Variants in CADM2 observed in about 807,000 individuals in gnomAD.
CADM2 encodes the protein cell adhesion molecule 2, also known as immunoglobulin superfamily member 4D.
CADM2 carries 12 observed loss-of-function variants against 49.8 expected under a neutral mutation model. That is an observed-to-expected ratio of 0.24 (90% CI 0.15 to 0.39). The LOEUF (loss-of-function observed/expected upper bound fraction) is 0.39. Among genes scored for constraint, CADM2 ranks in the 10% least tolerant of loss-of-function variants. The pLI is 1.00. For missense variants in CADM2, 378 were observed against 492.3 expected (o/e 0.77, Z 2.20); for synonymous variants, 214 against 175.4 (o/e 1.22, Z -1.74).
chr3:85,091,247 G>C (rs919777938), intron 1 of CADM2, among the ~76,000 whole-genome samples: 3 of 151,826 alleles, frequency 2.0e-5, no homozygotes, highest in African/African-American at 4.8e-5. Context: ...AATATTTAAG[G>C]ACAAACATCC....
chr3:85,448,825 T>A (rs1576575528), intron 1 of CADM2, among the ~76,000 whole-genome samples: 1 of 151,664 alleles, frequency 6.6e-6, no homozygotes, highest in Non-Finnish European at 1.5e-5. Flanking sequence ...TCGAGGCTTG[T>A]GGATCACGAG....
intron 1 of CADM2, among the ~76,000 whole-genome samples, chr3:85,566,488 C>T (rs565860197): frequency 5.9e-5 from 9 of 152,234 alleles, no homozygotes; most frequent in Non-Finnish European, 1.0e-4. Flanking sequence ...AGCACTGTTT[C>T]TGCTTTTACC....
At chr3:85,519,756 C>T (rs766868825) in intron 1 of CADM2, among the ~76,000 whole-genome samples, 27 of 152,056 alleles carry the variant, frequency 1.8e-4, no homozygotes, top group African/African-American at 6.3e-4. Context: ...TTAAAGTAAA[C>T]CCGCAGCTAC....
chr3:85,723,195 T>G (rs1330652856), intron 1 of CADM2, among the ~76,000 whole-genome samples: 3 of 152,166 alleles, frequency 2.0e-5, no homozygotes, highest in Non-Finnish European at 4.4e-5. Flanking sequence ...GAACAATCTC[T>G]GAAAAAAGTA....
chr3:84,994,422 G>A (rs2033067593), intron 1 of CADM2, among the ~76,000 whole-genome samples: 1 of 152,000 alleles, frequency 6.6e-6, no homozygotes, highest in Admixed American at 6.6e-5. Context: ...AAATCATACA[G>A]ACAGCATGAT....
rs376387207 is a variant in CADM2 at position 85,874,108 on chromosome 3, A to G, written c.239-9183A>G. On this transcript the variant is annotated intron_variant, in intron 3 of 9. Transcript: ENST00000383699. ...AAGAGAACAGTTTCTTAATTGTACA[A>G]CAAGTGCCTGGATTTTCAGTTTGTG... 1.3e-4 allele frequency among the ~76,000 whole-genome samples: 20 copies of G among 152,304 alleles called. 1 individual carries two copies. Among genetic ancestry groups the G allele is most frequent in the African/African-American group, 4.6e-4 (19 of 41,580 alleles).
intron 1 of CADM2, among the ~76,000 whole-genome samples, chr3:85,583,244 A>G (rs996750489): frequency 6.6e-6 from 1 of 152,158 alleles, no homozygotes; most frequent in Admixed American, 6.6e-5. Flanking sequence ...TGTTGAATTG[A>G]TGATGGCTTC....
chr3:86,024,543 A>G (rs929485163), intron 8 of CADM2, among the ~76,000 whole-genome samples: 2 of 152,188 alleles, frequency 1.3e-5, no homozygotes, highest in Admixed American at 1.3e-4. Flanking sequence ...TGTTGTTAGT[A>G]ATTTGGAGCA....
rs1438830889 is a variant in CADM2 at position 86,073,006 on chromosome 3, A to G, written c.*6223A>G. ...GACGCAGTTAAGTCATCACCCAAGG[A>G]TTTATGAATTTGAGATTACTGACCT... On this transcript the variant is annotated 3_prime_UTR_variant, in exon 10 of 10. Transcript: ENST00000383699. 2 of 152,070 alleles carry G rather than the reference A, an allele frequency of 1.3e-5. No homozygotes were observed. Among genetic ancestry groups the G allele is most frequent in the Non-Finnish European group, 2.9e-5 (2 of 67,968 alleles). 9.4% of individuals were successfully genotyped at this position (152,070 alleles called of 1,614,324 possible). A position where few individuals can be genotyped will look rare whatever the true frequency, so the allele number is the denominator to read the frequency against.
chr3:85,903,731 G>A (rs1160656523), intron 5 of CADM2, among the ~76,000 whole-genome samples: 3 of 152,092 alleles, frequency 2.0e-5, no homozygotes, highest in African/African-American at 4.8e-5. Flanking sequence ...CTCACTGAAT[G>A]TCTTTCTTTC....
Position 85,215,235 on chromosome 3 carries a change from A to G in CADM2, c.61+255567A>G, listed in dbSNP as rs569885352. Among the ~76,000 whole-genome samples, 6 of 151,946 alleles carry G rather than the reference A, an allele frequency of 3.9e-5. No homozygotes were observed. The South Asian group carries it at 1.0e-3, about 26-fold the overall frequency. On this transcript the variant is annotated intron_variant, in intron 1 of 9. Transcript: ENST00000383699. The stretch of plus-strand genomic sequence containing the variant: ...GGCAGTGGGCTCTCTTATGGCCCAC[A>G]GCATGTCTAGAAATGCCCTCTGGGA...
In CADM2 at chr3:85,568,612, C is replaced by CTTTTTTTTTTTT. The variant is rs1234630468; in HGVS notation, c.62-157906_62-157895dup. 1.8e-5 allele frequency among the ~76,000 whole-genome samples: 2 copies of CTTTTTTTTTTTT among 111,066 alleles called. 1 individual carries two copies. Among genetic ancestry groups the CTTTTTTTTTTTT allele is most frequent in the Non-Finnish European group, 3.5e-5 (2 of 56,720 alleles). The allele number at this position is 111,066 out of a possible 152,430, so 72.9% of individuals were successfully genotyped here. A position where few individuals can be genotyped will look rare whatever the true frequency, so the allele number is the denominator to read the frequency against. ...TTTCCTTCTTTTCTTTCCTCTCTTT[C>CTTTTTTTTTTTT]TTTTTTTTTTTTTTTACAGTCTGTC... On this transcript the variant is annotated intron_variant, in intron 1 of 9. Transcript: ENST00000383699.
chr3:85,118,673 A>G (rs1410927952), intron 1 of CADM2, among the ~76,000 whole-genome samples: 2 of 152,188 alleles, frequency 1.3e-5, no homozygotes, highest in Non-Finnish European at 2.9e-5. Context: ...TTGGGTGAGG[A>G]CACAGCCAAA....
At chr3:85,576,343 C>T (rs1429259220) in intron 1 of CADM2, among the ~76,000 whole-genome samples, 1 of 152,084 alleles carries the variant, frequency 6.6e-6, no homozygotes, top group African/African-American at 2.4e-5. Context: ...AAATTCAAAT[C>T]ACACAAAGTG....
chr3:85,578,046 T>C (rs960819882), intron 1 of CADM2, among the ~76,000 whole-genome samples: 8 of 150,574 alleles, frequency 5.3e-5, no homozygotes, highest in African/African-American at 1.7e-4. Context: ...CCCCCCTTTC[T>C]TTCTTATTTT....
intron 1 of CADM2, among the ~76,000 whole-genome samples, chr3:85,242,874 G>C (rs2042562232): frequency 1.3e-5 from 2 of 151,540 alleles, no homozygotes; most frequent in Admixed American, 6.6e-5. Context: ...TTGTTCAAAA[G>C]GCCTAAAATT....
At chr3:85,591,227 A>T (rs547079870) in intron 1 of CADM2, among the ~76,000 whole-genome samples, 1 of 152,088 alleles carries the variant, frequency 6.6e-6, no homozygotes, top group South Asian at 2.1e-4. Context: ...ACCTTCACTG[A>T]TGCTAAAATT....
At chr3:85,560,646 G>A (rs1017716045) in intron 1 of CADM2, among the ~76,000 whole-genome samples, 7 of 152,056 alleles carry the variant, frequency 4.6e-5, no homozygotes, top group African/African-American at 1.7e-4. Context: ...TTTCCTTTCC[G>A]TTTTTTCACA....
chr3:85,914,568 G>C (rs1034001904), intron 6 of CADM2, among the ~76,000 whole-genome samples: 2 of 152,032 alleles, frequency 1.3e-5, no homozygotes, highest in African/African-American at 4.8e-5. Context: ...AATAATAATT[G>C]ACTACTTAGT....
Sources: allele counts gnomAD v4.1 joint callset (sites outside exome capture counted in the v4.1 genomes callset), GRCh38; gene constraint gnomAD v4.1.1; transcripts MANE v1.5; gene names NCBI Gene and HGNC (gene_info 2026-07-23, HGNC 2026-07-21).